SEMA3D: variants seen among roughly 807,000 people sequenced by gnomAD.
SEMA3D encodes semaphorin 3D.
Under a neutral mutation model 100.1 loss-of-function variants are expected in SEMA3D, and 84 were observed. That is an observed-to-expected ratio of 0.84 (90% confidence interval 0.70 to 1.01). SEMA3D has a LOEUF of 1.01. Among genes scored for constraint, SEMA3D ranks in the 50% least tolerant of loss-of-function variants. The pLI is 0.00. For missense variants in SEMA3D, 875 were observed against 934.1 expected (o/e 0.94, Z 0.82); for synonymous variants, 312 against 320.7 (o/e 0.97, Z 0.29).
chr7:85,036,068 T>C (rs1038076968), intron 12 of SEMA3D, among the ~76,000 whole-genome samples: 3 of 152,044 alleles, frequency 2.0e-5, no homozygotes, highest in African/African-American at 7.2e-5. Flanking sequence ...TTTCCTCAGA[T>C]ATTTTGGTAA....
At chr7:85,178,665 G>A (rs1791308431) in intron 1 of SEMA3D, among the ~76,000 whole-genome samples, 1 of 152,104 alleles carries the variant, frequency 6.6e-6, no homozygotes, top group Non-Finnish European at 1.5e-5. Context: ...TGATGTAACA[G>A]AAAAGAAAAA....
At chr7:85,103,253 G>T (rs1198541434) in intron 3 of SEMA3D, among the ~76,000 whole-genome samples, 1 of 151,904 alleles carries the variant, frequency 6.6e-6, no homozygotes, top group Non-Finnish European at 1.5e-5. Flanking sequence ...GTAAAGCTAA[G>T]ACACTCAGTG....
chr7:85,043,282 C>T (rs1790914208), intron 9 of SEMA3D, among the ~76,000 whole-genome samples: 1 of 151,946 alleles, frequency 6.6e-6, no homozygotes, highest in Non-Finnish European at 1.5e-5. Context: ...TCACTTAAGC[C>T]CAGGGGGTTG....
chr7:85,017,800 T>C (rs115723800), intron 15 of SEMA3D, among the ~76,000 whole-genome samples: 1,545 of 151,906 alleles, frequency 0.01, 24 homozygotes, highest in African/African-American at 0.035. Context: ...GAGGTGGATA[T>C]TGTTTTTCTA....
intron 5 of SEMA3D, 147 bp downstream of exon 5, chr7:85,081,370 A>G (rs1788059399): frequency 1.9e-6 from 1 of 523,216 alleles, no homozygotes; most frequent in Non-Finnish European, 3.4e-6. Flanking sequence ...GAGATATTTT[A>G]TTCCACATTA....
At chr7:85,223,142 T>TA in the SEMA3D span, among the ~76,000 whole-genome samples, 118 of 150,586 alleles carry the variant, frequency 7.8e-4, no homozygotes, top group African/African-American at 2.6e-3. Context: ...TGGCCACAAT[T>TA]AAAAAAAAAT....
chr7:85,078,022 G>A (rs1455371188), intron 5 of SEMA3D, among the ~76,000 whole-genome samples: 2 of 152,050 alleles, frequency 1.3e-5, no homozygotes, highest in African/African-American at 4.8e-5. Context: ...TTAATGACAT[G>A]GGAAAATGCT....
the SEMA3D span, among the ~76,000 whole-genome samples, chr7:85,198,973 G>A: frequency 1.3e-5 from 2 of 151,058 alleles, no homozygotes; most frequent in African/African-American, 4.9e-5. Flanking sequence ...TATACCAATA[G>A]TGTCTCAAAT....
intron 5 of SEMA3D, among the ~76,000 whole-genome samples, chr7:85,076,659 A>T (rs1299698124): frequency 6.6e-6 from 1 of 152,160 alleles, no homozygotes; most frequent in Non-Finnish European, 1.5e-5. Context: ...AACTGGTTTT[A>T]TTTTTAATGT....
intron 1 of SEMA3D, among the ~76,000 whole-genome samples, chr7:85,156,842 T>C: frequency 6.6e-6 from 1 of 152,268 alleles, no homozygotes; most frequent in Admixed American, 6.5e-5. Context: ...AGTTATATCA[T>C]GCAAATATCT....
chr7:85,083,672 GTC>G (rs1788129413), intron 4 of SEMA3D, among the ~76,000 whole-genome samples: 1 of 150,998 alleles, frequency 6.6e-6, no homozygotes, highest in Admixed American at 6.6e-5. Flanking sequence ...GTGAAACCCC[GTC>G]TCTACTAAAA....
At chr7:85,109,037 A>T (rs1789014047) in intron 3 of SEMA3D, among the ~76,000 whole-genome samples, 1 of 151,956 alleles carries the variant, frequency 6.6e-6, no homozygotes, top group East Asian at 1.9e-4. Context: ...CAAGATGCTC[A>T]ACTACAATTA....
chr7:85,170,566 A>G (rs1390743431), intron 1 of SEMA3D, among the ~76,000 whole-genome samples: 1 of 151,982 alleles, frequency 6.6e-6, no homozygotes, highest in Admixed American at 6.6e-5. Context: ...AAACCATGTG[A>G]ATATCAGGCA....
At chr7:85,225,741 G>C in the SEMA3D span, among the ~76,000 whole-genome samples, 1 of 152,026 alleles carries the variant, frequency 6.6e-6, no homozygotes, top group Middle Eastern at 3.2e-3. Context: ...TGGGGTCAGA[G>C]CCCCACAGGT....
intron 3 of SEMA3D, among the ~76,000 whole-genome samples, chr7:85,121,009 G>A (rs749839594): frequency 2.0e-5 from 3 of 151,830 alleles, no homozygotes; most frequent in Admixed American, 2.0e-4. Context: ...GATATCAGAG[G>A]ATATTCAAAT....
the SEMA3D span, among the ~76,000 whole-genome samples, chr7:85,245,827 C>T: frequency 6.6e-6 from 1 of 151,990 alleles, no homozygotes; most frequent in African/African-American, 2.4e-5. Context: ...AGGTATTTCT[C>T]ACATAGTAAC....
At chr7:85,135,330 G>T (rs560065079) in intron 2 of SEMA3D, among the ~76,000 whole-genome samples, 2 of 151,948 alleles carry the variant, frequency 1.3e-5, no homozygotes, top group South Asian at 2.1e-4. Flanking sequence ...CCCTCAACTG[G>T]TTATGGTTTG....
At chr7:85,087,974 A>C (rs1788275049) in intron 4 of SEMA3D, among the ~76,000 whole-genome samples, 3 of 152,280 alleles carry the variant, frequency 2.0e-5, no homozygotes, top group Middle Eastern at 3.4e-3. Context: ...ACATATTCTT[A>C]AAAAGATTTA....
the SEMA3D span, among the ~76,000 whole-genome samples, chr7:85,229,553 TTTG>T: frequency 6.6e-6 from 1 of 152,052 alleles, no homozygotes. Context: ...ACATATACTG[TTTG>T]TTAACAAGTG....
Sources: gnomAD v4.1 joint callset for allele counts (sites outside exome capture counted in the v4.1 genomes callset) on GRCh38, gnomAD v4.1.1 for gene constraint, MANE v1.5 for transcripts, NCBI Gene and HGNC (gene_info 2026-07-23, HGNC 2026-07-21) for gene names.